The following GRAMD1B variants were observed in gnomAD, a reference collection of about 807,000 sequenced individuals.
GRAMD1B encodes protein Aster-B.
In GRAMD1B, 37 loss-of-function variants were observed where a neutral mutation model predicts 99.7. The ratio of observed to expected loss-of-function variants is 0.37; its 90% confidence interval spans 0.29 to 0.49. GRAMD1B has a LOEUF of 0.49. Ranked by LOEUF, GRAMD1B falls within the 20% of genes least tolerant of loss-of-function variation. The probability of loss-of-function intolerance (pLI) is 0.98; values close to 1 mark genes in which losing one functional copy is unlikely to be tolerated. For missense variants in GRAMD1B, 888 were observed against 1,009.2 expected (o/e 0.88, Z 1.63); for synonymous variants, 427 against 387.6 (o/e 1.10, Z -1.19).
rs1047565075 is a variant in GRAMD1B, at chr11:123,618,458, C to T, written c.2319-235C>T. ...AGGTTCTGGGTGCCTATGCATCTCT[C>T]CTTTCTAGTGCCTTCATCCCATGCC... On this transcript the variant is annotated intron_variant, in intron 17 of 19. Transcript: ENST00000635736. 2.3e-5 allele frequency: 24 copies of T among 1,027,270 alleles called. 2 individuals carry two copies. Among genetic ancestry groups the T allele is most frequent in the Middle Eastern group, 2.0e-4 (1 of 4,944 alleles). 63.6% of individuals were successfully genotyped at this position (1,027,270 alleles called of 1,614,324 possible). A position where few individuals can be genotyped will look rare whatever the true frequency, so the allele number is the denominator to read the frequency against.
intron 1 of GRAMD1B, among the ~76,000 whole-genome samples, chr11:123,390,618 A>G (rs1340050839): frequency 6.6e-6 from 1 of 152,234 alleles, no homozygotes; most frequent in Non-Finnish European, 1.5e-5. Context: ...CTTTGAGTCC[A>G]TATAGAATAT....
intron 2 of GRAMD1B, among the ~76,000 whole-genome samples, chr11:123,485,053 ATCT>A (rs2134912217): frequency 6.6e-6 from 1 of 152,264 alleles, no homozygotes; most frequent in African/African-American, 2.4e-5. Flanking sequence ...CCCTGCAGTC[ATCT>A]TCTTTACTCT....
intron 2 of GRAMD1B, among the ~76,000 whole-genome samples, chr11:123,508,026 C>G (rs1565309746): frequency 6.6e-6 from 1 of 152,162 alleles, no homozygotes; most frequent in Non-Finnish European, 1.5e-5. Context: ...TTATCTTTAA[C>G]ATGGGGGAAA....
At chr11:123,415,227 C>T (rs1447292790) in intron 1 of GRAMD1B, among the ~76,000 whole-genome samples, 7 of 150,976 alleles carry the variant, frequency 4.6e-5, no homozygotes, top group Non-Finnish European at 8.8e-5. Context: ...CTTAGCTTCC[C>T]GAGTAGCTGG....
chr11:123,413,472 T>C (rs1421112168), intron 1 of GRAMD1B, among the ~76,000 whole-genome samples: 1 of 151,716 alleles, frequency 6.6e-6, no homozygotes, highest in East Asian at 1.9e-4. Context: ...TAAGGAGGCA[T>C]TGGGAAACGT....
intron 1 of GRAMD1B, among the ~76,000 whole-genome samples, chr11:123,422,512 G>A (rs563451645): frequency 2.6e-5 from 4 of 152,292 alleles, no homozygotes; most frequent in African/African-American, 7.2e-5. Context: ...GACATAATAT[G>A]TAAAGGCTAA....
At chr11:123,402,202 GACAGGGTTTC>G (rs1327737768) in intron 1 of GRAMD1B, among the ~76,000 whole-genome samples, 1 of 152,088 alleles carries the variant, frequency 6.6e-6, no homozygotes, top group Non-Finnish European at 1.5e-5. Context: ...TTTTAGTAGA[GACAGGGTTTC>G]ACCATGTTGG....
intron 1 of GRAMD1B, among the ~76,000 whole-genome samples, chr11:123,364,053 G>A (rs1189729643): frequency 2.0e-5 from 3 of 152,196 alleles, no homozygotes; most frequent in African/African-American, 4.8e-5. Context: ...TCACTGCCAT[G>A]CACGTGTTTG....
In GRAMD1B at chr11:123,626,944, C is replaced by G. The variant is rs1001971868; in HGVS notation, c.*4349C>G. 14 of 152,394 alleles carry G rather than the reference C, an allele frequency of 9.2e-5. No homozygotes were observed. The highest frequency in any genetic ancestry group is 3.4e-4 in the African/African-American group (14 of 41,462). 9.4% of individuals were successfully genotyped at this position (152,394 alleles called of 1,614,324 possible). ...GCTCCCTTCCCACCTCTCTGCCCAG[C>G]CTTGTTACCTCACTTCTGCTCTGGC... is the stretch of plus-strand genomic sequence containing the variant. On this transcript the variant is annotated 3_prime_UTR_variant, in exon 20 of 20. Transcript: ENST00000635736.
intron 2 of GRAMD1B, among the ~76,000 whole-genome samples, chr11:123,567,827 C>T (rs1947562242): frequency 6.6e-6 from 1 of 152,212 alleles, no homozygotes; most frequent in Non-Finnish European, 1.5e-5. Context: ...CTTCCTATCA[C>T]CTCTCTGGAC....
intron 1 of GRAMD1B, chr11:123,435,615 C>T (rs1949123538): frequency 3.4e-6 from 2 of 595,686 alleles, no homozygotes; most frequent in Non-Finnish European, 6.0e-6. Context: ...TTTGTATCGT[C>T]ACAGCACTGT....
intron 2 of GRAMD1B, among the ~76,000 whole-genome samples, chr11:123,500,887 T>A (rs925822682): frequency 1.3e-5 from 2 of 152,160 alleles, no homozygotes; most frequent in Non-Finnish European, 2.9e-5. Context: ...TTGGCCAGGC[T>A]GATCTCAAAC....
chr11:123,379,729 T>A (rs1946809266), intron 1 of GRAMD1B, among the ~76,000 whole-genome samples: 1 of 152,260 alleles, frequency 6.6e-6, no homozygotes, highest in Non-Finnish European at 1.5e-5. Context: ...ATAGTAACTG[T>A]ATGTTAAACA....
chr11:123,502,375 A>G (rs1939951597), intron 2 of GRAMD1B, among the ~76,000 whole-genome samples: 1 of 152,184 alleles, frequency 6.6e-6, no homozygotes, highest in South Asian at 2.1e-4. Flanking sequence ...AGGCCAGGCA[A>G]TATTACTGGA....
intron 1 of GRAMD1B, among the ~76,000 whole-genome samples, chr11:123,434,755 T>A (rs1271748854): frequency 6.6e-6 from 1 of 152,196 alleles, no homozygotes; most frequent in Non-Finnish European, 1.5e-5. Flanking sequence ...ACCACTGCAC[T>A]CCAGCCTGGG....
intron 1 of GRAMD1B, among the ~76,000 whole-genome samples, chr11:123,473,087 G>A (rs1346960703): frequency 3.4e-5 from 5 of 145,640 alleles, no homozygotes; most frequent in Non-Finnish European, 5.9e-5. Flanking sequence ...TTTTTGAGAC[G>A]AAGTCTCGCT....
intron 2 of GRAMD1B, among the ~76,000 whole-genome samples, chr11:123,554,950 C>G (rs1463807849): frequency 1.3e-5 from 2 of 152,192 alleles, no homozygotes; most frequent in African/African-American, 2.4e-5. Context: ...CACAGAGGCT[C>G]TAGAGGTTCT....
chr11:123,594,934 CA>C lies in GRAMD1B; in HGVS notation c.873+98del, dbSNP rs1951089754. On this transcript the variant is annotated intron_variant, in intron 6 of 19. Coordinates refer to ENST00000635736, the MANE Select transcript of GRAMD1B (RefSeq NM_001387025.1). The stretch of plus-strand genomic sequence containing the variant: ...CCTTTTGCTGACTTCATGCTCTTCC[CA>C]AGCCTTTGCGTAATTAACAAAAGCA... 9 of 722,866 alleles carry C rather than the reference CA, an allele frequency of 1.2e-5. No homozygotes were observed. The Middle Eastern group carries it at 1.4e-3, about 116-fold the overall frequency. 44.8% of individuals were successfully genotyped at this position (722,866 alleles called of 1,614,324 possible).
rs1449293649 is a variant in GRAMD1B, at chr11:123,626,882, C to G, written c.*4287C>G. Reference sequence around the variant, plus strand: ...ATCTTTTAAGGCCCCTGCTTGCTGTCATAGTGCAGAGCAGAAACTTGCACA... The same window carrying G: ...ATCTTTTAAGGCCCCTGCTTGCTGTGATAGTGCAGAGCAGAAACTTGCACA... On this transcript the variant is annotated 3_prime_UTR_variant, in exon 20 of 20. Transcript: ENST00000635736. The G allele has an allele frequency of 6.6e-6, 1 of 152,358 alleles. No homozygotes were observed. The highest frequency in any genetic ancestry group is 1.5e-5 in the Non-Finnish European group (1 of 68,152). 9.4% of individuals were successfully genotyped at this position (152,358 alleles called of 1,614,324 possible). A position where few individuals can be genotyped will look rare whatever the true frequency, so the allele number is the denominator to read the frequency against.
Sources: gnomAD v4.1 joint callset for allele counts (sites outside exome capture counted in the v4.1 genomes callset) on GRCh38, gnomAD v4.1.1 for gene constraint, MANE v1.5 for transcripts, NCBI Gene and HGNC (gene_info 2026-07-23, HGNC 2026-07-21) for gene names.